Variants in ZNF320 observed in about 807,000 individuals in gnomAD.
ZNF320 encodes zinc finger protein 320, also known as zinc finger gene 320.
Under a neutral mutation model 6.8 loss-of-function variants are expected in ZNF320, and 2 were observed. That is an observed-to-expected ratio of 0.29 (90% confidence interval 0.12 to 0.93). ZNF320 has a LOEUF of 0.93. ZNF320 is among the 40% of genes least tolerant of loss of function. ZNF320 has a pLI of 0.55. For synonymous variants in ZNF320, 208 were observed against 203.2 expected (o/e 1.02, Z -0.20); for missense variants, 472 against 611.0 (o/e 0.77, Z 2.40).
At chr19:52,873,358 T>C (rs1328882198), downstream of ZNF320, among the ~76,000 whole-genome samples, 12 of 152,348 alleles carry the variant, frequency 7.9e-5, no homozygotes, top group Admixed American at 6.5e-4. Context: ...TAATCAAGAA[T>C]GGAGAATGGC....
Position 52,897,522 on chromosome 19 carries a change from G to C in ZNF320, c.-272C>G, listed in dbSNP as rs963218550. 1.3e-5 allele frequency: 2 copies of C among 152,302 alleles called. No homozygotes were observed. The highest frequency in any genetic ancestry group is 6.5e-5 in the Admixed American group (1 of 15,282). 9.4% of individuals were successfully genotyped at this position (152,302 alleles called of 1,614,324 possible). On this transcript the variant is annotated splice_region_variant and 5_prime_UTR_variant, in exon 1 of 6. Coordinates refer to ENST00000682928, the MANE Select transcript of ZNF320 (RefSeq NM_001351774.2). ...CGAAGGGACTCACGGACTCTCACCC[G>C]GACGTCTCAATTTGCTCTGGGTTGA...
chr19:52,875,319 A>G (rs1294406446), downstream of ZNF320, among the ~76,000 whole-genome samples: 1 of 152,166 alleles, frequency 6.6e-6, no homozygotes, highest in African/African-American at 2.4e-5. Flanking sequence ...AGCTGAGGAG[A>G]CAACTGCACA....
At chr19:52,871,197 A>G (rs182110937), downstream of ZNF320, among the ~76,000 whole-genome samples, 90 of 152,258 alleles carry the variant, frequency 5.9e-4, no homozygotes, top group African/African-American at 2.1e-3. Context: ...ACACATGCCT[A>G]TCATTCAAGC....
chr19:52,881,682 C>T lies in ZNF320; in HGVS notation c.444G>A (p.Leu148=). 2 of 1,613,988 alleles carry T rather than the reference C, an allele frequency of 1.2e-6. No individual in the cohort carries two copies. The highest frequency in any genetic ancestry group is 1.7e-6 in the Non-Finnish European group (2 of 1,179,896). The change falls in exon 6 of 6, where the codon TTG becomes TTA. Residue 148 remains leucine (L), a synonymous_variant. Transcript: ENST00000682928. ...GQLESRFHLH[L]RRHRRIHTGE... is the part of the protein sequence containing the mutation. ...CAGTATGAATTCTCCTATGTCTTCG[C>T]AAATGCAAATGAAATCTTGATTCAA...
At chr19:52,862,911 G>A (rs1188847772) in exon 6 of ZNF320, 2 of 268,856 alleles carry the variant, frequency 7.4e-6, no homozygotes, top group Admixed American at 8.8e-5. Flanking sequence ...GATTCCGCCT[G>A]TAGTCTCAGC....
intron 5 of ZNF320, among the ~76,000 whole-genome samples, chr19:52,869,337 A>C (rs1305831251): frequency 6.6e-6 from 1 of 152,178 alleles, no homozygotes; most frequent in Non-Finnish European, 1.5e-5. Context: ...AAGAGTATAC[A>C]CAACAATATA....
chr19:52,888,104 T>A, intron 5 of ZNF320, 23 bp downstream of exon 5: 1 of 1,602,540 alleles, frequency 6.2e-7, no homozygotes, highest in East Asian at 2.2e-5. Flanking sequence ...ACATCCCCAC[T>A]TCTGGAGGGA....
chr19:52,859,630 C>T (rs1208284513), downstream of ZNF320, among the ~76,000 whole-genome samples: 1 of 152,154 alleles, frequency 6.6e-6, no homozygotes, highest in Non-Finnish European at 1.5e-5. Flanking sequence ...GAAGCTTTAG[C>T]AGAATCAACA....
At chr19:52,892,900 T>C (rs1345478804) in intron 2 of ZNF320, among the ~76,000 whole-genome samples, 2 of 146,436 alleles carry the variant, frequency 1.4e-5, no homozygotes, top group Non-Finnish European at 3.0e-5. Flanking sequence ...CTGATGAGAC[T>C]CCCTCTTTGC....
intron 5 of ZNF320, chr19:52,865,564 CATACATATATATTTATATGATT>C (rs2063537661): frequency 1.0e-4 from 9 of 88,658 alleles, no homozygotes; most frequent in African/African-American, 4.7e-4. Flanking sequence ...TTTATATGAT[CATACATATATATTTATATGATT>C]ATACATATAT....
chr19:52,898,323 C>G (rs552413999), upstream of ZNF320, among the ~76,000 whole-genome samples: 446 of 152,202 alleles, frequency 2.9e-3, 5 homozygotes, highest in African/African-American at 9.8e-3. Context: ...TCACCACCTC[C>G]TGCTTAAACA....
chr19:52,880,597 C>A lies in ZNF320; in HGVS notation c.1529G>T (p.Ter510LeuextTer13). The change falls in exon 6 of 6, where the codon TGA (stop) becomes TTA (leucine). Residue 510 changes from the stop codon to leucine, a stop_lost. Transcript: ENST00000682928. ...NEYSKPSSIN[*>L] is the part of the protein sequence containing the mutation. ...GTCAATGCTGATTTGACTCTGATGT[C>A]AATTAATGCTTGATGGTTTGCTATA... 6.3e-7 allele frequency: 1 copy of A among 1,592,660 alleles called. No homozygotes were observed. The highest frequency in any genetic ancestry group is 1.2e-5 in the South Asian group (1 of 86,420).
exon 6 of ZNF320, among the ~76,000 whole-genome samples, chr19:52,860,999 C>T (rs1337841355): frequency 7.3e-6 from 1 of 137,180 alleles, no homozygotes. Context: ...AGTGAGATTC[C>T]GTCAAAAACA....
upstream of ZNF320, among the ~76,000 whole-genome samples, chr19:52,898,011 G>T (rs374388556): frequency 4.6e-5 from 7 of 152,332 alleles, no homozygotes; most frequent in East Asian, 1.2e-3. Flanking sequence ...AGAAGTCAAC[G>T]TGAGGCGGTC....
At chr19:52,902,433 A>G (rs1380912334), upstream of ZNF320, among the ~76,000 whole-genome samples, 2 of 152,250 alleles carry the variant, frequency 1.3e-5, no homozygotes, top group Non-Finnish European at 2.9e-5. Flanking sequence ...TGCCATGTGC[A>G]CAAGCATAAC....
At chr19:52,859,493 C>T (rs1263421374), downstream of ZNF320, among the ~76,000 whole-genome samples, 3 of 152,116 alleles carry the variant, frequency 2.0e-5, no homozygotes, top group East Asian at 1.9e-4. Flanking sequence ...TCAGAATACA[C>T]GATTAATTAT....
intron 5 of ZNF320, among the ~76,000 whole-genome samples, chr19:52,868,198 C>T (rs1334553203): frequency 6.6e-6 from 1 of 152,132 alleles, no homozygotes; most frequent in Admixed American, 6.6e-5. Context: ...CATCTAATAG[C>T]ACTAACTTGT....
upstream of ZNF320, among the ~76,000 whole-genome samples, chr19:52,899,397 T>C (rs1303974382): frequency 6.6e-6 from 1 of 151,892 alleles, no homozygotes; most frequent in Non-Finnish European, 1.5e-5. Context: ...AAGGTTAAAT[T>C]TTCTACAAAC....
At chr19:52,885,646 G>A (rs576256340) in intron 5 of ZNF320, among the ~76,000 whole-genome samples, 1 of 152,250 alleles carries the variant, frequency 6.6e-6, no homozygotes, top group South Asian at 2.1e-4. Context: ...AACCTGGGAG[G>A]TGGAGGTTGC....
Sources: allele counts gnomAD v4.1 joint callset (sites outside exome capture counted in the v4.1 genomes callset), GRCh38; gene constraint gnomAD v4.1.1; transcripts MANE v1.5; gene names NCBI Gene and HGNC (gene_info 2026-07-23, HGNC 2026-07-21).